Variants in GPATCH2 observed in about 807,000 individuals in gnomAD.
GPATCH2 encodes G-patch domain containing 2.
Under a neutral mutation model 58.0 loss-of-function variants are expected in GPATCH2, and 51 were observed. The observed-to-expected ratio is 0.88, with a 90% confidence interval of 0.70 to 1.11. GPATCH2 has a LOEUF of 1.11. GPATCH2 is among the 50% of genes most tolerant of loss of function. The pLI, the probability that GPATCH2 is intolerant of heterozygous loss-of-function variation, is 0.00. For synonymous variants in GPATCH2, 222 were observed against 218.5 expected, an observed-to-expected ratio of 1.02 and a Z score of -0.14; for missense variants, 625 against 652.2, an observed-to-expected ratio of 0.96 and a Z score of 0.45.
intron 3 of GPATCH2, among the ~76,000 whole-genome samples, chr1:217,613,805 C>T (rs1668747526): frequency 6.6e-6 from 1 of 152,098 alleles, no homozygotes; most frequent in African/African-American, 2.4e-5. Context: ...GTTTTAAGTA[C>T]ATCTGGAATT....
intron 5 of GPATCH2, among the ~76,000 whole-genome samples, chr1:217,600,796 G>C (rs965994318): frequency 6.6e-6 from 1 of 152,044 alleles, no homozygotes; most frequent in Non-Finnish European, 1.5e-5. Flanking sequence ...AATTTTGAAA[G>C]AAAGAGCATT....
intron 1 of GPATCH2, among the ~76,000 whole-genome samples, chr1:217,623,485 CTTAGTAATAGAAAT>C (rs1484247536): frequency 6.6e-6 from 1 of 151,624 alleles, no homozygotes; most frequent in South Asian, 2.1e-4. Flanking sequence ...AATGAAATTT[CTTAGTAATAGAAAT>C]TTCATTCTTA....
At chr1:217,611,325 C>T (rs935356717) in intron 3 of GPATCH2, among the ~76,000 whole-genome samples, 9 of 151,952 alleles carry the variant, frequency 5.9e-5, no homozygotes, top group African/African-American at 2.2e-4. Context: ...ATTGGGGATC[C>T]TATGTTTTAT....
At chr1:217,515,383 A>T (rs998557959) in intron 5 of GPATCH2, among the ~76,000 whole-genome samples, 2 of 151,990 alleles carry the variant, frequency 1.3e-5, no homozygotes, top group African/African-American at 4.8e-5. Context: ...GGTGTGAGCC[A>T]CCGCGCCCGA....
At chr1:217,465,109 C>A (rs1027153960) in intron 8 of GPATCH2, among the ~76,000 whole-genome samples, 6 of 151,610 alleles carry the variant, frequency 4.0e-5, no homozygotes, top group Non-Finnish European at 8.8e-5. Context: ...GGAAAAAAAT[C>A]ATTTCAGAAA....
chr1:217,525,395 T>A (rs952520121), intron 5 of GPATCH2, among the ~76,000 whole-genome samples: 3 of 152,190 alleles, frequency 2.0e-5, no homozygotes, highest in African/African-American at 7.2e-5. Context: ...ATAAAAATCT[T>A]TTTTATCTCT....
intron 8 of GPATCH2, among the ~76,000 whole-genome samples, chr1:217,482,883 A>G (rs1006645038): frequency 6.6e-6 from 1 of 152,172 alleles, no homozygotes; most frequent in African/African-American, 2.4e-5. Context: ...CTACATGCCC[A>G]TTTGTAGCCC....
intron 5 of GPATCH2, among the ~76,000 whole-genome samples, chr1:217,598,776 TA>T (rs1339692099): frequency 6.6e-6 from 1 of 152,204 alleles, no homozygotes; most frequent in Admixed American, 6.5e-5. Context: ...AAAAAAATAT[TA>T]AACACATACA....
At chr1:217,592,476 A>T (rs1429406176) in intron 5 of GPATCH2, among the ~76,000 whole-genome samples, 1 of 151,956 alleles carries the variant, frequency 6.6e-6, no homozygotes, top group Non-Finnish European at 1.5e-5. Flanking sequence ...TTCACTATGG[A>T]ATCAGTGAAA....
intron 5 of GPATCH2, among the ~76,000 whole-genome samples, chr1:217,545,400 G>A (rs764662972): frequency 1.7e-4 from 26 of 152,292 alleles, no homozygotes; most frequent in Non-Finnish European, 3.4e-4. Context: ...GGCCTCTTTT[G>A]TGCTAATCCT....
At chr1:217,525,850 A>T (rs1397350568) in intron 5 of GPATCH2, among the ~76,000 whole-genome samples, 1 of 152,192 alleles carries the variant, frequency 6.6e-6, no homozygotes, top group Admixed American at 6.5e-5. Flanking sequence ...CATTTTAAAA[A>T]TTTATTTAAG....
rs147383796 is a variant in GPATCH2 at position 217,451,094 on chromosome 1, T to C, written c.1278-1757A>G. On this transcript the variant is annotated intron_variant, in intron 8 of 9. Coordinates refer to ENST00000366935, the MANE Select transcript of GPATCH2 (RefSeq NM_018040.5). ...AGTGGCGAAAGAAAACATAAATATG[T>C]GTATATGAAATCATTAGGTACAGTG... is the stretch of plus-strand genomic sequence containing the variant. 7.7e-4 allele frequency among the ~76,000 whole-genome samples: 118 copies of C among 152,258 alleles called. 1 individual carries two copies. In the East Asian group the frequency reaches 0.022, roughly 28 times the overall value.
intron 7 of GPATCH2, chr1:217,494,887 T>A (rs1198869022): frequency 8.7e-6 from 1 of 114,822 alleles, no homozygotes; most frequent in Admixed American, 7.8e-5. Flanking sequence ...TCTTGATACA[T>A]TTTTTTTTTT....
At chr1:217,500,377 TC>T (rs1320141411) in intron 6 of GPATCH2, among the ~76,000 whole-genome samples, 1 of 152,012 alleles carries the variant, frequency 6.6e-6, no homozygotes, top group African/African-American at 2.4e-5. Flanking sequence ...TCCTGGAACT[TC>T]CTTGGCTCTC....
intron 5 of GPATCH2, among the ~76,000 whole-genome samples, chr1:217,560,687 A>G (rs1281186132): frequency 6.6e-6 from 1 of 152,222 alleles, no homozygotes; most frequent in Non-Finnish European, 1.5e-5. Context: ...CATGATTGAC[A>G]TCTGGGGCCA....
intron 5 of GPATCH2, chr1:217,608,984 T>C (rs1242498446): frequency 9.3e-5 from 91 of 981,696 alleles, no homozygotes; most frequent in Non-Finnish European, 1.0e-4. Flanking sequence ...GTAAAAGCAA[T>C]GGCAACTTGA....
At chr1:217,559,873 GGAGAGAGAGA>G (rs59474147) in intron 5 of GPATCH2, among the ~76,000 whole-genome samples, 1 of 143,062 alleles carries the variant, frequency 7.0e-6, no homozygotes, top group East Asian at 2.0e-4. Context: ...AAATCCAGAG[GGAGAGAGAGA>G]GAGAGAGAGA....
intron 5 of GPATCH2, among the ~76,000 whole-genome samples, chr1:217,591,268 CATAT>C (rs1294219276): frequency 6.6e-6 from 1 of 151,826 alleles, no homozygotes; most frequent in African/African-American, 2.4e-5. Flanking sequence ...ATATGATGGA[CATAT>C]ATATATGAAT....
intron 8 of GPATCH2, among the ~76,000 whole-genome samples, chr1:217,462,403 G>A (rs760767377): frequency 6.6e-6 from 1 of 152,020 alleles, no homozygotes; most frequent in Non-Finnish European, 1.5e-5. Flanking sequence ...TCTACATACT[G>A]TTTAAGTGAC....
Sources: gnomAD v4.1 joint callset for allele counts (sites outside exome capture counted in the v4.1 genomes callset) on GRCh38, gnomAD v4.1.1 for gene constraint, MANE v1.5 for transcripts, NCBI Gene and HGNC (gene_info 2026-07-23, HGNC 2026-07-21) for gene names.